STAU2: variants seen among roughly 807,000 people sequenced by gnomAD.
The protein encoded by STAU2 is double-stranded RNA-binding protein Staufen homolog 2.
Under a neutral mutation model 65.9 loss-of-function variants are expected in STAU2, and 20 were observed. The observed-to-expected ratio is 0.30, with a 90% CI of 0.21 to 0.44. The LOEUF is 0.44. STAU2 is among the 20% of genes least tolerant of loss of function. The pLI is 1.00. For synonymous variants in STAU2, 232 were observed against 233.9 expected, an observed-to-expected ratio of 0.99 and a Z score of 0.07; for missense variants, 558 against 683.9, an observed-to-expected ratio of 0.82 and a Z score of 2.05.
intron 3 of STAU2, among the ~76,000 whole-genome samples, chr8:73,716,533 A>C (rs1453028121): frequency 6.6e-6 from 1 of 152,238 alleles, no homozygotes; most frequent in Admixed American, 6.5e-5. Flanking sequence ...TTTAAACAGG[A>C]CAAAAACACA....
At chr8:73,555,512 CAACT>C (rs1346137026) in intron 12 of STAU2, among the ~76,000 whole-genome samples, 2 of 151,868 alleles carry the variant, frequency 1.3e-5, no homozygotes, top group African/African-American at 2.4e-5. Flanking sequence ...TGGATTCAAC[CAACT>C]GTGGATAGAA....
At chr8:73,629,473 T>A (rs1282186082) in intron 6 of STAU2, among the ~76,000 whole-genome samples, 1 of 152,190 alleles carries the variant, frequency 6.6e-6, no homozygotes, top group Non-Finnish European at 1.5e-5. Flanking sequence ...TGTTTCATAG[T>A]CTCACAATCA....
intron 5 of STAU2, among the ~76,000 whole-genome samples, chr8:73,682,875 T>A (rs989028368): frequency 6.6e-6 from 1 of 152,020 alleles, no homozygotes; most frequent in Non-Finnish European, 1.5e-5. Flanking sequence ...AGGAGCTGGA[T>A]AAATTCCTGG....
At chr8:73,664,385 C>A (rs1252529310) in intron 6 of STAU2, among the ~76,000 whole-genome samples, 1 of 152,204 alleles carries the variant, frequency 6.6e-6, no homozygotes, top group East Asian at 1.9e-4. Context: ...CCTGATCTTA[C>A]AAGTATTCAG....
chr8:73,452,279 A>G (rs1050340211), intron 13 of STAU2, among the ~76,000 whole-genome samples: 4 of 152,008 alleles, frequency 2.6e-5, no homozygotes, highest in Non-Finnish European at 4.4e-5. Context: ...GTGACAGAGG[A>G]CAGAGGGGCT....
chr8:73,481,859 A>C (rs1477959587), intron 13 of STAU2, among the ~76,000 whole-genome samples: 1 of 152,106 alleles, frequency 6.6e-6, no homozygotes, highest in African/African-American at 2.4e-5. Flanking sequence ...CCCTCCTCTT[A>C]AAACAACTCT....
chr8:73,624,504 G>C (rs892142340), intron 6 of STAU2, among the ~76,000 whole-genome samples: 1 of 152,148 alleles, frequency 6.6e-6, no homozygotes, highest in Admixed American at 6.5e-5. Context: ...CTATGTGCCA[G>C]GCACTATTCC....
At chr8:73,539,816 C>T (rs1461937169) in intron 13 of STAU2, among the ~76,000 whole-genome samples, 1 of 149,984 alleles carries the variant, frequency 6.7e-6, no homozygotes, top group Non-Finnish European at 1.5e-5. Context: ...GCACTCCAGC[C>T]CTGGGCGACA....
chr8:73,515,560 C>T (rs1243693189), intron 13 of STAU2, among the ~76,000 whole-genome samples: 1 of 152,044 alleles, frequency 6.6e-6, no homozygotes, highest in Non-Finnish European at 1.5e-5. Flanking sequence ...TCATAGAGTA[C>T]AAAAGTACCA....
chr8:73,576,263 TA>T (rs1809541497), intron 12 of STAU2, among the ~76,000 whole-genome samples: 2 of 152,138 alleles, frequency 1.3e-5, no homozygotes, highest in African/African-American at 4.8e-5. Flanking sequence ...GATGAATGGA[TA>T]AATCATTATG....
At chr8:73,441,933 A>T (rs1818174778) in intron 13 of STAU2, among the ~76,000 whole-genome samples, 1 of 152,038 alleles carries the variant, frequency 6.6e-6, no homozygotes, top group African/African-American at 2.4e-5. Context: ...TCTAGAAAGT[A>T]TTTTTTTTAA....
chr8:73,676,254 T>C (rs1451990057), intron 5 of STAU2, among the ~76,000 whole-genome samples: 1 of 152,180 alleles, frequency 6.6e-6, no homozygotes, highest in Non-Finnish European at 1.5e-5. Flanking sequence ...TTCTCAATAC[T>C]GAGTTACAGT....
At chr8:73,514,018 G>T (rs1822566717) in intron 13 of STAU2, among the ~76,000 whole-genome samples, 1 of 152,160 alleles carries the variant, frequency 6.6e-6, no homozygotes, top group African/African-American at 2.4e-5. Flanking sequence ...TCAATTTTCA[G>T]AGTCCTAAAG....
chr8:73,429,754 C>T (rs569653415), intron 13 of STAU2, among the ~76,000 whole-genome samples: 6 of 152,108 alleles, frequency 3.9e-5, no homozygotes, highest in South Asian at 2.1e-4. Flanking sequence ...AATTTAAAGC[C>T]GCTCACGTTC....
intron 12 of STAU2, among the ~76,000 whole-genome samples, chr8:73,582,407 G>A (rs1271915653): frequency 7.5e-6 from 1 of 132,776 alleles, no homozygotes; most frequent in African/African-American, 2.8e-5. Flanking sequence ...TCAGCTTATA[G>A]ATAATTACTT....
chr8:73,451,364 G>A (rs1585784442), intron 13 of STAU2, among the ~76,000 whole-genome samples: 2 of 152,052 alleles, frequency 1.3e-5, no homozygotes, highest in African/African-American at 4.8e-5. Flanking sequence ...TGGACAAGAT[G>A]ACATAAATCT....
chr8:73,482,996 A>T (rs1337374984), intron 13 of STAU2, among the ~76,000 whole-genome samples: 9 of 152,056 alleles, frequency 5.9e-5, no homozygotes. Context: ...ACCAAAAATA[A>T]TATTTAATAT....
chr8:73,510,128 C>T (rs886205420), intron 13 of STAU2, among the ~76,000 whole-genome samples: 2 of 152,044 alleles, frequency 1.3e-5, no homozygotes, highest in East Asian at 1.9e-4. Flanking sequence ...AGAGCAATGG[C>T]GTGATCTCGG....
intron 13 of STAU2, among the ~76,000 whole-genome samples, chr8:73,503,773 G>C (rs548305078): frequency 4.6e-5 from 7 of 152,164 alleles, no homozygotes; most frequent in African/African-American, 1.7e-4. Flanking sequence ...GTGAAAATTT[G>C]TCTCTTGGCT....
Sources: gnomAD v4.1 joint callset for allele counts (sites outside exome capture counted in the v4.1 genomes callset) on GRCh38, gnomAD v4.1.1 for gene constraint, MANE v1.5 for transcripts, NCBI Gene and HGNC (gene_info 2026-07-23, HGNC 2026-07-21) for gene names.